Variants in RUNDC3A observed in about 807,000 individuals in gnomAD.
RUNDC3A encodes the protein RUN domain containing 3A.
Under a neutral mutation model 53.9 loss-of-function variants are expected in RUNDC3A, and 28 were observed. That is an observed-to-expected ratio of 0.52 (90% CI 0.38 to 0.71). RUNDC3A has a LOEUF of 0.71. Ranked by LOEUF, RUNDC3A falls within the 30% of genes least tolerant of loss-of-function variation. RUNDC3A has a pLI of 0.00. For synonymous variants in RUNDC3A, 232 were observed against 249.4 expected, an observed-to-expected ratio of 0.93 and a Z score of 0.66; for missense variants, 491 against 597.3, an observed-to-expected ratio of 0.82 and a Z score of 1.85.
In RUNDC3A at chr17:44,315,224, C is replaced by G. The variant is rs1567855982; in HGVS notation, c.699C>G (p.Pro233=). 1 of 1,551,838 alleles carries G rather than the reference C, an allele frequency of 6.4e-7. No homozygotes were observed. The highest frequency in any genetic ancestry group is 8.7e-7 in the Non-Finnish European group (1 of 1,147,472). ...GCAGCACGAGCGAGGACAACTCGCC[C>G]GAGCACCCGTACCTCCCGCTCGTCA... is the stretch of plus-strand genomic sequence containing the variant. ...AESSTSEDNS[P]EHPYLPLVTD... The change falls in exon 7 of 11, where the codon CCC becomes CCG. Residue 233 remains proline, a synonymous_variant. Transcript: ENST00000426726. This position sits in a 1 kb window ranked among gnomAD's most constrained non-coding sequence, Gnocchi z 6.1.
At chr17:44,313,011 A>C in intron 2 of RUNDC3A, 93 bp from the exon 3 acceptor site, 1 of 1,372,180 alleles carries the variant, frequency 7.3e-7, no homozygotes, top group Non-Finnish European at 1.0e-6. Context: ...TTGTGGGAGG[A>C]GGCTGCTTAT....
intron 4 of RUNDC3A, 86 bp downstream of exon 4, chr17:44,313,589 A>T: frequency 6.7e-7 from 1 of 1,500,598 alleles, no homozygotes; most frequent in Non-Finnish European, 8.9e-7. Flanking sequence ...TTCCTGCAGC[A>T]TCCTTCAGTT....
chr17:44,312,905 T>C (rs1027899137), intron 2 of RUNDC3A, among the ~76,000 whole-genome samples, 199 bp from the exon 3 acceptor site: 2 of 152,162 alleles, frequency 1.3e-5, no homozygotes, highest in Admixed American at 6.5e-5. Flanking sequence ...TGTACAGATC[T>C]GGGAAGAGGG....
In RUNDC3A at chr17:44,308,727, A is replaced by G. The variant is rs1444280899; in HGVS notation, c.-106A>G. 3.2e-6 allele frequency: 2 copies of G among 629,652 alleles called. No individual in the cohort carries two copies. Among genetic ancestry groups the G allele is most frequent in the South Asian group, 4.4e-5 (2 of 45,300 alleles). 39.0% of individuals were successfully genotyped at this position (629,652 alleles called of 1,614,324 possible). A position where few individuals can be genotyped will look rare whatever the true frequency, so the allele number is the denominator to read the frequency against. On this transcript the variant is annotated 5_prime_UTR_variant, in exon 1 of 11. Transcript: ENST00000426726. Reference sequence around the variant, plus strand: ...CAGGGGGATGGCCATGGAAGGGTTGAGGGGCCCCGTCGGACAGAGGGCCCA... The same window carrying G: ...CAGGGGGATGGCCATGGAAGGGTTGGGGGGCCCCGTCGGACAGAGGGCCCA...
chr17:44,317,585 C>G, intron 10 of RUNDC3A: 1 of 779,808 alleles, frequency 1.3e-6, no homozygotes, highest in African/African-American at 1.7e-5. Context: ...CTTGGTTTTT[C>G]CCATCCTAGT....
At position 44,318,160 on chromosome 17, in the gene RUNDC3A, G is replaced by A. The variant is rs1185381727; in HGVS notation, c.1263G>A (p.Lys421=). Residue 421 remains lysine (K), a synonymous_variant, in exon 11 of 11, where the codon AAG becomes AAA. Coordinates refer to ENST00000426726, the MANE Select transcript of RUNDC3A (RefSeq NM_001144825.2). The stretch of plus-strand genomic sequence containing the variant: ...CCCTGGCCTCCATTCCCAGCTGCAA[G>A]TCCCTGGCGAGCTTCAAATCCAACG... The part of the protein sequence containing the change: ...CGSLASIPSC[K]SLASFKSNEC... 3 of 1,551,530 alleles carry A rather than the reference G, an allele frequency of 1.9e-6. No homozygotes were observed. The highest frequency in any genetic ancestry group is 2.4e-5 in the East Asian group (1 of 40,916).
intron 1 of RUNDC3A, chr17:44,310,961 A>T: frequency 1.0e-6 from 1 of 985,546 alleles, no homozygotes; most frequent in Non-Finnish European, 1.2e-6. Context: ...CAGCGGCCCT[A>T]GGCACCTACC....
At chr17:44,316,820 C>A (rs1013692289) in intron 10 of RUNDC3A, 95 bp downstream of exon 10, 11 of 398,440 alleles carry the variant, frequency 2.8e-5, no homozygotes, top group Non-Finnish European at 3.9e-5. Context: ...TTCTCTTAGT[C>A]TTTTTTTTTT....
In RUNDC3A at chr17:44,316,637, G is replaced by C; in HGVS notation, c.1110G>C (p.Thr370=). 3 of 1,551,154 alleles carry C rather than the reference G, an allele frequency of 1.9e-6. No individual in the cohort carries two copies. The highest frequency in any genetic ancestry group is 2.6e-6 in the Non-Finnish European group (3 of 1,147,188). Residue 370 remains threonine (T), a synonymous_variant, in exon 10 of 11, where the codon ACG becomes ACC. Coordinates refer to ENST00000426726, the MANE Select transcript of RUNDC3A (RefSeq NM_001144825.2). ...GCCGCAGACACAGCTTCATGAGCAC[G>C]GAGCCGCTGTCAGCTGAAGCCAGTC... The part of the protein sequence containing the change: ...KLYRRHSFMS[T]EPLSAEASLS...
rs76973214 is a variant in RUNDC3A at position 44,312,978 on chromosome 17, C to T, written c.224-126C>T. ...GATATGCTGGGGTGCCCACTGCACA[C>T]GTGCATGTGTGTGCACAGATCTTTG... On this transcript the variant is annotated intron_variant, in intron 2 of 10. Coordinates refer to ENST00000426726, the MANE Select transcript of RUNDC3A (RefSeq NM_001144825.2). 104 of 1,062,768 alleles carry T rather than the reference C, an allele frequency of 9.8e-5. No individual in the cohort carries two copies. In the East Asian group the frequency reaches 2.3e-3, roughly 24 times the overall value. The allele number at this position is 1,062,768 out of a possible 1,614,324, so 65.8% of individuals were successfully genotyped here.
At chr17:44,316,127 G>A (rs1214653134) in intron 8 of RUNDC3A, among the ~76,000 whole-genome samples, 2 of 151,690 alleles carry the variant, frequency 1.3e-5, no homozygotes, top group African/African-American at 4.8e-5. Context: ...CTCCACTGAC[G>A]TCCCCATCAC....
At chr17:44,311,800 C>T (rs1256051781) in intron 1 of RUNDC3A, among the ~76,000 whole-genome samples, 1 of 152,164 alleles carries the variant, frequency 6.6e-6, no homozygotes, top group Non-Finnish European at 1.5e-5. Context: ...TTCAGCCCCA[C>T]AGGCTTCCCT....
In RUNDC3A at chr17:44,308,755, C is replaced by T. The variant is rs566207823; in HGVS notation, c.-78C>T. 3.2e-6 allele frequency: 3 copies of T among 946,384 alleles called. No homozygotes were observed. The highest frequency in any genetic ancestry group is 4.9e-5 in the Admixed American group (2 of 40,496). 58.6% of individuals were successfully genotyped at this position (946,384 alleles called of 1,614,324 possible). A position where few individuals can be genotyped will look rare whatever the true frequency, so the allele number is the denominator to read the frequency against. On this transcript the variant is annotated 5_prime_UTR_variant, in exon 1 of 11. Coordinates refer to ENST00000426726, the MANE Select transcript of RUNDC3A (RefSeq NM_001144825.2). ...GGCCCCGTCGGACAGAGGGCCCAGC[C>T]GTGATCCAGCGACGGGTTTGGGGCT...
intron 10 of RUNDC3A, 35 bp from the exon 11 acceptor site, chr17:44,318,061 C>T: frequency 1.9e-6 from 3 of 1,545,918 alleles, no homozygotes; most frequent in Non-Finnish European, 2.6e-6. Context: ...CACATGTAGA[C>T]TGGTCGCTTG....
intron 10 of RUNDC3A, chr17:44,317,843 A>C: frequency 3.4e-6 from 2 of 591,838 alleles, no homozygotes; most frequent in South Asian, 4.1e-5. Flanking sequence ...GTATTTAATA[A>C]ATGGACAAAG....
In RUNDC3A at chr17:44,315,131, G is replaced by T. The variant is rs757948692; in HGVS notation, c.630-24G>T. On this transcript the variant is annotated intron_variant, in intron 6 of 10. Coordinates refer to ENST00000426726, the MANE Select transcript of RUNDC3A (RefSeq NM_001144825.2). This position sits in a 1 kb window ranked among gnomAD's most constrained non-coding sequence, Gnocchi z 6.1. ...CGCGGGGGGAGGGGCGGGACCGGCC[G>T]TGCCCACTGCTCCCTCTCCCAAGCT... is the stretch of plus-strand genomic sequence containing the variant. 6.3e-7 allele frequency: 1 copy of T among 1,586,590 alleles called. No homozygotes were observed. Among genetic ancestry groups the T allele is most frequent in the East Asian group, 2.3e-5 (1 of 43,420 alleles).
At chr17:44,311,213 C>T in intron 1 of RUNDC3A, 1 of 985,636 alleles carries the variant, frequency 1.0e-6, no homozygotes, top group South Asian at 4.7e-5. Flanking sequence ...CTCAGCTGTG[C>T]AATTGGCCTG....
intron 1 of RUNDC3A, among the ~76,000 whole-genome samples, chr17:44,310,215 C>G (rs569566813): frequency 4.7e-4 from 72 of 152,380 alleles, no homozygotes; most frequent in Non-Finnish European, 7.3e-4. Flanking sequence ...GGGGAGGTCT[C>G]TTAACCACTC....
In RUNDC3A at chr17:44,317,142, G is replaced by A. The variant is rs150444761; in HGVS notation, c.1198+417G>A. 8.0e-3 allele frequency: 3,626 copies of A among 455,666 alleles called. 20 individuals are homozygous for A. The highest frequency in any genetic ancestry group is 0.015 in the Middle Eastern group (25 of 1,638). 28.2% of individuals were successfully genotyped at this position (455,666 alleles called of 1,614,324 possible). The stretch of plus-strand genomic sequence containing the variant: ...ATTACAGGTGTGAGCCACTGTGCCC[G>A]GCCTCTCTCAGCCTTTCTTGAGGGT... On this transcript the variant is annotated intron_variant, in intron 10 of 10. Transcript: ENST00000426726.
Sources: gnomAD v4.1 joint callset for allele counts (sites outside exome capture counted in the v4.1 genomes callset) on GRCh38, gnomAD v4.1.1 for gene constraint, Gnocchi (gnomAD v3.1) non-coding constraint, MANE v1.5 for transcripts, NCBI Gene and HGNC (gene_info 2026-07-23, HGNC 2026-07-21) for gene names.